Variants in TMEM44 observed in about 807,000 individuals in gnomAD.
The protein encoded by TMEM44 is transmembrane protein 44.
Under a neutral mutation model 47.8 loss-of-function variants are expected in TMEM44, and 43 were observed. The ratio of observed to expected loss-of-function variants is 0.90; its 90% CI spans 0.70 to 1.16. The LOEUF is 1.16. TMEM44 is among the 50% of genes most tolerant of loss of function. TMEM44 has a pLI of 0.00. For missense variants in TMEM44, 568 were observed against 555.2 expected, an observed-to-expected ratio of 1.02 and a Z score of -0.23; for synonymous variants, 277 against 238.8, an observed-to-expected ratio of 1.16 and a Z score of -1.48.
intron 5 of TMEM44, among the ~76,000 whole-genome samples, chr3:194,618,064 C>T (rs7621137): frequency 0.88 from 133,166 of 152,166 alleles, 58,373 homozygotes; most frequent in South Asian, 0.94. Flanking sequence ...ACCTGGTTTC[C>T]TTATGAGTGA....
Position 194,623,667 on chromosome 3 carries a change from C to A in TMEM44, c.387G>T (p.Arg129Ser), listed in dbSNP as rs373942035. ...CAAACACACTGGCCCTGAGCTGCCG[C>A]CTCCTCTTCCTCTCTCGGGCTTCCC... ...SDREARERKR[R>S]RQLRASVFAL... The change falls in exon 4 of 10, where the codon AGG (arginine) becomes AGT (serine). Residue 129 changes from arginine (R) to serine (S), a missense_variant. Arg to Ser is a moderately radical substitution (Grantham distance 110). Transcript: ENST00000347147. The A allele has an allele frequency of 9.7e-5, 156 of 1,613,668 alleles. No individual in the cohort carries two copies. The highest frequency in any genetic ancestry group is 1.3e-4 in the Non-Finnish European group (149 of 1,180,012).
intron 2 of TMEM44, among the ~76,000 whole-genome samples, 181 bp downstream of exon 2, chr3:194,628,202 G>T (rs575739021): frequency 7.2e-5 from 11 of 152,330 alleles, no homozygotes; most frequent in South Asian, 2.1e-4. Flanking sequence ...CAGCCAAGTG[G>T]ATATTGGGAA....
At chr3:194,589,948 T>C (rs1712418207) in intron 9 of TMEM44, 1 of 150,708 alleles carries the variant, frequency 6.6e-6, no homozygotes, top group Non-Finnish European at 1.5e-5. Flanking sequence ...AGGCACAAGG[T>C]CACATTTGAC....
At chr3:194,604,542 C>T (rs1577176206) in intron 8 of TMEM44, 97 bp from the exon 9 acceptor site, 2 of 1,414,498 alleles carry the variant, frequency 1.4e-6, no homozygotes, top group Admixed American at 2.8e-5. Context: ...TCAAAATGTA[C>T]AAAAGGGTGT....
At chr3:194,593,067 ACTT>A in intron 9 of TMEM44, 1 of 1,613,592 alleles carries the variant, frequency 6.2e-7, no homozygotes, top group Non-Finnish European at 8.5e-7. Flanking sequence ...GCCTCCCAAT[ACTT>A]CTGCTGCAGA....
chr3:194,610,765 C>T, intron 8 of TMEM44, 151 bp downstream of exon 8: 1 of 652,266 alleles, frequency 1.5e-6, no homozygotes, highest in Non-Finnish European at 2.6e-6. Flanking sequence ...ATCTGCCCCT[C>T]CACTGCAGCC....
chr3:194,599,189 C>G (rs75403072), intron 9 of TMEM44, among the ~76,000 whole-genome samples: 1 of 152,160 alleles, frequency 6.6e-6, no homozygotes. Context: ...GGGTATGGTC[C>G]GGAAGAGTAA....
chr3:194,600,696 A>G (rs1713992285), intron 9 of TMEM44, among the ~76,000 whole-genome samples: 1 of 152,108 alleles, frequency 6.6e-6, no homozygotes, highest in Admixed American at 6.5e-5. Context: ...GATTGCAGTG[A>G]GCCGAGACTG....
chr3:194,590,822 GAAGA>G (rs960937074), intron 9 of TMEM44, among the ~76,000 whole-genome samples: 2 of 152,200 alleles, frequency 1.3e-5, no homozygotes, highest in Non-Finnish European at 2.9e-5. Context: ...AATGGCTGCT[GAAGA>G]ATGATTCTTG....
intron 9 of TMEM44, among the ~76,000 whole-genome samples, chr3:194,593,532 A>G (rs1302140614): frequency 6.6e-6 from 1 of 152,172 alleles, no homozygotes; most frequent in Non-Finnish European, 1.5e-5. Context: ...GTCAGTGTTT[A>G]CTGCATGGTT....
At chr3:194,613,983 A>G (rs6784047) in intron 7 of TMEM44, among the ~76,000 whole-genome samples, 131,372 of 151,588 alleles carry the variant, frequency 0.87, 57,119 homozygotes, top group South Asian at 0.92. Flanking sequence ...TTAGCCGGGC[A>G]TGGTGGTGCA....
chr3:194,601,088 C>T (rs569594853), intron 9 of TMEM44, among the ~76,000 whole-genome samples: 3 of 151,498 alleles, frequency 2.0e-5, no homozygotes, highest in Non-Finnish European at 2.9e-5. Context: ...TGGGCAAAAG[C>T]GTTCATTTCC....
intron 1 of TMEM44, among the ~76,000 whole-genome samples, chr3:194,630,918 A>AAAT (rs1242808487): frequency 1.4e-5 from 2 of 144,548 alleles, no homozygotes; most frequent in African/African-American, 2.6e-5. Context: ...GGGGCCTCTG[A>AAAT]AATACGTTGT....
intron 7 of TMEM44, among the ~76,000 whole-genome samples, chr3:194,613,633 C>G (rs1304398826): frequency 3.3e-5 from 5 of 151,354 alleles, no homozygotes; most frequent in South Asian, 2.1e-4. Flanking sequence ...GCTGGAATTA[C>G]AGGCGCGTGC....
chr3:194,588,654 T>C lies in TMEM44; in HGVS notation c.1177-15A>G, dbSNP rs377678701. On this transcript the variant is annotated splice_polypyrimidine_tract_variant and intron_variant, in intron 9 of 9. Transcript: ENST00000347147. ...TCAGGGTCCCACTATGGAGAAAAGA[T>C]GCAAAGGGTAGCTGGGTGGAACGGA... 2 of 1,611,858 alleles carry C rather than the reference T, an allele frequency of 1.2e-6. No homozygotes were observed. Among genetic ancestry groups the C allele is most frequent in the East Asian group, 2.2e-5 (1 of 44,866 alleles).
intron 4 of TMEM44, 81 bp from the exon 5 acceptor site, chr3:194,623,391 A>C: frequency 6.6e-7 from 1 of 1,516,714 alleles, no homozygotes; most frequent in African/African-American, 1.4e-5. Flanking sequence ...AAAGCTCAGG[A>C]GTCCTTTTCT....
chr3:194,624,289 A>C (rs886325101), intron 3 of TMEM44, among the ~76,000 whole-genome samples: 1 of 151,524 alleles, frequency 6.6e-6, no homozygotes, highest in African/African-American at 2.4e-5. Flanking sequence ...TGGCCTCATG[A>C]GTGGCTGGGA....
At chr3:194,631,913 G>A (rs896243916) in intron 1 of TMEM44, among the ~76,000 whole-genome samples, 1 of 152,232 alleles carries the variant, frequency 6.6e-6, no homozygotes, top group African/African-American at 2.4e-5. Flanking sequence ...ACCCCTCCAA[G>A]GTTGGCAAAG....
At chr3:194,632,803 G>A (rs1013277779) in intron 1 of TMEM44, 5 of 441,756 alleles carry the variant, frequency 1.1e-5, no homozygotes, top group Non-Finnish European at 2.0e-5. Context: ...ATGGCGAAGG[G>A]CTGACAATAG....
Sources: allele counts gnomAD v4.1 joint callset (sites outside exome capture counted in the v4.1 genomes callset), GRCh38; gene constraint gnomAD v4.1.1; transcripts MANE v1.5; gene names NCBI Gene and HGNC (gene_info 2026-07-23, HGNC 2026-07-21).